POLR3B: variants seen among roughly 807,000 people sequenced by gnomAD.
The protein encoded by POLR3B is RNA polymerase III subunit B.
POLR3B carries 96 observed loss-of-function variants against 147.4 expected under a neutral mutation model. That is an observed-to-expected ratio of 0.65 (90% CI 0.55 to 0.77). The LOEUF is 0.77. POLR3B is among the 30% of genes least tolerant of loss of function. The pLI, the probability that POLR3B is intolerant of heterozygous loss-of-function variation, is 0.00. For synonymous variants in POLR3B, 461 were observed against 485.9 expected (o/e 0.95, Z 0.67); for missense variants, 1,036 against 1,413.5 (o/e 0.73, Z 4.28).
intron 6 of POLR3B, among the ~76,000 whole-genome samples, chr12:106,370,190 A>G (rs184257145): frequency 6.6e-6 from 1 of 152,106 alleles, no homozygotes; most frequent in African/African-American, 2.4e-5. Flanking sequence ...TTGTGTGGTC[A>G]ATAATGGTAC....
chr12:106,499,293 G>A (rs887905487), intron 25 of POLR3B, among the ~76,000 whole-genome samples: 9 of 152,118 alleles, frequency 5.9e-5, no homozygotes, highest in Non-Finnish European at 1.2e-4. Flanking sequence ...GTGGACCTTC[G>A]TGAACATAAT....
intron 23 of POLR3B, among the ~76,000 whole-genome samples, chr12:106,485,420 A>G (rs2038323857): frequency 6.6e-6 from 1 of 152,316 alleles, no homozygotes; most frequent in South Asian, 2.1e-4. Flanking sequence ...TACAACTTCT[A>G]GAGCTCACTG....
chr12:106,420,199 G>A (rs1046981954), intron 12 of POLR3B, among the ~76,000 whole-genome samples: 18 of 152,152 alleles, frequency 1.2e-4, no homozygotes, highest in Non-Finnish European at 2.1e-4. Context: ...ACCCAGATGT[G>A]GGGCAGTGGG....
At chr12:106,479,985 G>T (rs867148689) in intron 23 of POLR3B, among the ~76,000 whole-genome samples, 3 of 132,812 alleles carry the variant, frequency 2.3e-5, no homozygotes, top group African/African-American at 1.0e-4. Flanking sequence ...GCTAATTTTT[G>T]TTTTTTGTTT....
chr12:106,432,261 A>G, intron 14 of POLR3B, 57 bp from the exon 15 acceptor site: 1 of 1,503,152 alleles, frequency 6.7e-7, no homozygotes, highest in Non-Finnish European at 9.3e-7. Flanking sequence ...TCAGATGTAA[A>G]CTGTACTTTG....
intron 23 of POLR3B, among the ~76,000 whole-genome samples, chr12:106,479,505 C>T (rs1406945384): frequency 2.0e-5 from 3 of 151,720 alleles, no homozygotes; most frequent in African/African-American, 7.2e-5. Flanking sequence ...CTCAGCCTCC[C>T]GAGTAGCTGG....
intron 10 of POLR3B, among the ~76,000 whole-genome samples, chr12:106,396,506 G>A (rs978194894): frequency 1.3e-5 from 2 of 152,162 alleles, no homozygotes; most frequent in Non-Finnish European, 2.9e-5. Context: ...AAAAGATGAC[G>A]GAATTCCCAC....
intron 6 of POLR3B, among the ~76,000 whole-genome samples, chr12:106,370,623 G>GT (rs2036591764): frequency 1.4e-4 from 19 of 140,388 alleles, no homozygotes; most frequent in African/African-American, 5.0e-4. Flanking sequence ...TGTTTTTTTT[G>GT]TTTTATTGTT....
chr12:106,440,058 CA>C (rs977148758), intron 18 of POLR3B, among the ~76,000 whole-genome samples: 7 of 151,490 alleles, frequency 4.6e-5, no homozygotes, highest in African/African-American at 1.5e-4. Context: ...GACCCTTACT[CA>C]AAAAAAATAT....
intron 18 of POLR3B, among the ~76,000 whole-genome samples, chr12:106,440,089 G>A (rs2037629523): frequency 6.6e-6 from 1 of 152,080 alleles, no homozygotes. Context: ...TATGTATCCT[G>A]AGTATAAAAG....
chr12:106,499,985 C>G (rs1215015544), intron 25 of POLR3B: 2 of 421,848 alleles, frequency 4.7e-6, no homozygotes, highest in East Asian at 1.4e-4. Flanking sequence ...ATGCTGTACC[C>G]CAGAGTTTAC....
At chr12:106,427,468 C>A in intron 13 of POLR3B, 110 bp downstream of exon 13, 1 of 994,074 alleles carries the variant, frequency 1.0e-6, no homozygotes, top group Non-Finnish European at 1.6e-6. Context: ...TATATCAAAA[C>A]GAATGTTTAC....
intron 23 of POLR3B, among the ~76,000 whole-genome samples, chr12:106,472,597 A>C (rs1298311869): frequency 6.6e-6 from 1 of 150,944 alleles, no homozygotes. Context: ...TTTGATTTGC[A>C]TTTCTCTGAT....
At chr12:106,489,411 T>A (rs1247298350) in intron 23 of POLR3B, among the ~76,000 whole-genome samples, 1 of 152,236 alleles carries the variant, frequency 6.6e-6, no homozygotes, top group Admixed American at 6.5e-5. Context: ...TCATTGACCC[T>A]CTCTTATACA....
intron 1 of POLR3B, among the ~76,000 whole-genome samples, chr12:106,361,912 A>G (rs1173265329): frequency 1.3e-5 from 2 of 152,184 alleles, no homozygotes; most frequent in Admixed American, 6.5e-5. Flanking sequence ...GGGGGCATCA[A>G]GGGAGGTCTT....
At chr12:106,497,050 C>A (rs547368036) in intron 25 of POLR3B, 132 bp downstream of exon 25, 2 of 853,342 alleles carry the variant, frequency 2.3e-6, no homozygotes, top group Admixed American at 3.8e-5. Flanking sequence ...GCATGTGGCC[C>A]AGGACGGCTT....
At position 106,384,204 on chromosome 12, in the gene POLR3B, A is replaced by T. The variant is rs2036803482; in HGVS notation, c.723+4065A>T. Among the ~76,000 whole-genome samples, 4 of 152,214 alleles carry T rather than the reference A, an allele frequency of 2.6e-5. 1 individual carries two copies. The highest frequency in any genetic ancestry group is 2.6e-4 in the Admixed American group (4 of 15,276). On this transcript the variant is annotated intron_variant, in intron 9 of 27. Transcript: ENST00000228347. ...AAACACAATATCTACAAAGCCCAAT[A>T]AAGCAAAGCATGATAAAAATGATAT...
At chr12:106,398,445 C>T (rs1451750802) in intron 10 of POLR3B, among the ~76,000 whole-genome samples, 2 of 152,236 alleles carry the variant, frequency 1.3e-5, no homozygotes, top group African/African-American at 4.8e-5. Context: ...GTAACCTCTG[C>T]AGACTTAAAT....
chr12:106,405,207 G>A (rs1363297760), intron 10 of POLR3B, among the ~76,000 whole-genome samples: 2 of 151,964 alleles, frequency 1.3e-5, no homozygotes, highest in Non-Finnish European at 2.9e-5. Context: ...CAGGTCCTTT[G>A]CATTTCCATG....
Sources: gnomAD v4.1 joint callset for allele counts (sites outside exome capture counted in the v4.1 genomes callset) on GRCh38, gnomAD v4.1.1 for gene constraint, MANE v1.5 for transcripts, NCBI Gene and HGNC (gene_info 2026-07-23, HGNC 2026-07-21) for gene names.